The following DPP10 variants were observed in gnomAD, a reference collection of about 807,000 sequenced individuals.
DPP10 encodes the protein inactive dipeptidyl peptidase 10.
In DPP10, 33 loss-of-function variants were observed where a neutral mutation model predicts 120.9. The observed-to-expected ratio is 0.27, with a 90% CI of 0.21 to 0.37. DPP10 has a LOEUF of 0.37. Among genes scored for constraint, DPP10 ranks in the 10% least tolerant of loss-of-function variants. The pLI, the probability that DPP10 is intolerant of heterozygous loss-of-function variation, is 1.00. For synonymous variants in DPP10, 337 were observed against 326.1 expected, an observed-to-expected ratio of 1.03 and a Z score of -0.36; for missense variants, 816 against 942.8, an observed-to-expected ratio of 0.87 and a Z score of 1.76.
chr2:115,660,204 C>T (rs932065161), intron 5 of DPP10, among the ~76,000 whole-genome samples: 1 of 152,174 alleles, frequency 6.6e-6, no homozygotes, highest in African/African-American at 2.4e-5. Context: ...AGCCACATTA[C>T]AGATCTATTG....
chr2:115,321,376 T>G (rs1347610410), intron 2 of DPP10, among the ~76,000 whole-genome samples: 1 of 152,150 alleles, frequency 6.6e-6, no homozygotes, highest in East Asian at 1.9e-4. Context: ...TATTTATTGC[T>G]GAGAAATCTC....
At position 115,649,321 on chromosome 2, in the gene DPP10, A is replaced by G. The variant is rs557507940; in HGVS notation, c.442-40366A>G. On this transcript the variant is annotated intron_variant, in intron 5 of 25. Coordinates refer to ENST00000410059, the MANE Select transcript of DPP10 (RefSeq NM_020868.6). ...CTTCAACAGGATTAAGTGACAATCA[A>G]CAATCAAAGTAAGACAAGAGTTTAT... Among the ~76,000 whole-genome samples, 5 of 152,280 alleles carry G rather than the reference A, an allele frequency of 3.3e-5. No homozygotes were observed. The South Asian group carries it at 1.0e-3, about 32-fold the overall frequency.
intron 1 of DPP10, among the ~76,000 whole-genome samples, chr2:115,061,260 G>C (rs1706375509): frequency 6.6e-6 from 1 of 152,156 alleles, no homozygotes; most frequent in Non-Finnish European, 1.5e-5. Flanking sequence ...GATCTTCTGG[G>C]AAAACTTTGA....
At chr2:114,942,346 T>C (rs1204582749) in intron 1 of DPP10, among the ~76,000 whole-genome samples, 8 of 105,454 alleles carry the variant, frequency 7.6e-5, no homozygotes, top group Non-Finnish European at 1.5e-4. Flanking sequence ...TATACGTATA[T>C]ATACATATAT....
At chr2:114,690,725 T>C (rs1412618460) in intron 1 of DPP10, among the ~76,000 whole-genome samples, 3 of 152,150 alleles carry the variant, frequency 2.0e-5, no homozygotes, top group Non-Finnish European at 4.4e-5. Context: ...GCATGGAATG[T>C]TTCTCCATTT....
At position 114,853,375 on chromosome 2, in the gene DPP10, C is replaced by A. The variant is rs185156586; in HGVS notation, c.60+410537C>A. On this transcript the variant is annotated intron_variant, in intron 1 of 25. Coordinates refer to ENST00000410059, the MANE Select transcript of DPP10 (RefSeq NM_020868.6). ...TTCACTATGATATACATCAGCAAGA[C>A]CATCATTCTGATTCAGCTCTAGAAT... Among the ~76,000 whole-genome samples the A allele has an allele frequency of 2.0e-5, 3 of 151,996 alleles. No individual in the cohort carries two copies. In the East Asian group the frequency reaches 5.8e-4, roughly 29 times the overall value.
intron 1 of DPP10, among the ~76,000 whole-genome samples, chr2:114,671,186 A>G (rs1698314607): frequency 6.6e-6 from 1 of 152,288 alleles, no homozygotes; most frequent in South Asian, 2.1e-4. Context: ...TAGTCATCTA[A>G]AAGATGAGAA....
chr2:114,980,900 C>T (rs936251978), intron 1 of DPP10, among the ~76,000 whole-genome samples: 5 of 151,554 alleles, frequency 3.3e-5, no homozygotes, highest in Non-Finnish European at 7.4e-5. Flanking sequence ...GTTTTATACT[C>T]CATAGTATAG....
intron 3 of DPP10, among the ~76,000 whole-genome samples, chr2:115,386,308 G>A (rs941006896): frequency 6.6e-6 from 1 of 152,028 alleles, no homozygotes; most frequent in Non-Finnish European, 1.5e-5. Context: ...GTTCATCAGG[G>A]CTCTAGACAG....
At chr2:114,932,814 G>C (rs1389944360) in intron 1 of DPP10, among the ~76,000 whole-genome samples, 6 of 152,080 alleles carry the variant, frequency 3.9e-5, no homozygotes, top group Non-Finnish European at 4.4e-5. Flanking sequence ...ACCTCAAAAA[G>C]AGAAAAGAAA....
intron 1 of DPP10, among the ~76,000 whole-genome samples, chr2:115,039,831 C>G (rs1704501245): frequency 6.6e-6 from 1 of 152,106 alleles, no homozygotes; most frequent in Non-Finnish European, 1.5e-5. Context: ...GTCTGCCTGC[C>G]TCAGCCTCCC....
At chr2:114,880,152 A>G (rs1297989343) in intron 1 of DPP10, among the ~76,000 whole-genome samples, 2 of 152,200 alleles carry the variant, frequency 1.3e-5, no homozygotes, top group Middle Eastern at 3.2e-3. Flanking sequence ...TTCAAACACT[A>G]TGGGGAAAAT....
At chr2:115,714,181 T>C (rs1046030122) in intron 7 of DPP10, among the ~76,000 whole-genome samples, 39 of 152,194 alleles carry the variant, frequency 2.6e-4, no homozygotes, top group African/African-American at 9.4e-4. Context: ...TTGTTTACTG[T>C]ATTAATACCT....
intron 17 of DPP10, among the ~76,000 whole-genome samples, chr2:115,783,022 G>T (rs1682952277): frequency 6.6e-6 from 1 of 152,070 alleles, no homozygotes. Context: ...TCTTAAAAAT[G>T]AATAACCAGA....
At chr2:115,170,241 C>T (rs2053215311) in intron 1 of DPP10, among the ~76,000 whole-genome samples, 1 of 152,110 alleles carries the variant, frequency 6.6e-6, no homozygotes, top group African/African-American at 2.4e-5. Flanking sequence ...TTAATCAATG[C>T]AAAACATGGC....
At chr2:115,190,604 G>A (rs1037792459) in intron 1 of DPP10, among the ~76,000 whole-genome samples, 1 of 152,156 alleles carries the variant, frequency 6.6e-6, no homozygotes, top group Non-Finnish European at 1.5e-5. Context: ...GTTAACATCA[G>A]GGGCTGGAGG....
At chr2:115,597,239 A>T (rs548620089) in intron 5 of DPP10, among the ~76,000 whole-genome samples, 41 of 152,256 alleles carry the variant, frequency 2.7e-4, no homozygotes, top group African/African-American at 9.4e-4. Flanking sequence ...ACACTCTATA[A>T]TCAGCCCATT....
At chr2:115,403,015 A>G (rs866114894) in intron 3 of DPP10, among the ~76,000 whole-genome samples, 16 of 149,978 alleles carry the variant, frequency 1.1e-4, no homozygotes, top group Middle Eastern at 3.5e-3. Flanking sequence ...TTAAATCCTC[A>G]ACGAAACTAT....
chr2:115,615,376 C>T (rs2084413477), intron 5 of DPP10, among the ~76,000 whole-genome samples: 1 of 152,014 alleles, frequency 6.6e-6, no homozygotes, highest in Admixed American at 6.6e-5. Context: ...TTGAGTCCCC[C>T]CAAAATGGAT....
Sources: gnomAD v4.1 joint callset for allele counts (sites outside exome capture counted in the v4.1 genomes callset) on GRCh38, gnomAD v4.1.1 for gene constraint, MANE v1.5 for transcripts, NCBI Gene and HGNC (gene_info 2026-07-23, HGNC 2026-07-21) for gene names.